The following SLCO3A1 variants were observed in gnomAD, a reference collection of about 807,000 sequenced individuals.
SLCO3A1 encodes the protein PGE1 transporter.
In SLCO3A1, 27 loss-of-function variants were observed where a neutral mutation model predicts 63.1. The ratio of observed to expected loss-of-function variants is 0.43; its 90% CI spans 0.32 to 0.59. The LOEUF (loss-of-function observed/expected upper bound fraction) is 0.59, where lower values mean the gene tolerates loss of function less well. Ranked by LOEUF, SLCO3A1 falls within the 20% of genes least tolerant of loss-of-function variation. SLCO3A1 has a pLI of 0.09. For synonymous variants in SLCO3A1, 473 were observed against 409.9 expected (o/e 1.15, Z -1.86); for missense variants, 773 against 945.8 (o/e 0.82, Z 2.40).
At chr15:92,111,531 T>G (rs2047729717) in intron 4 of SLCO3A1, among the ~76,000 whole-genome samples, 1 of 152,206 alleles carries the variant, frequency 6.6e-6, no homozygotes, top group African/African-American at 2.4e-5. Context: ...GGCTGTGATT[T>G]ACATTCTGCC....
rs563375111 is a variant in SLCO3A1, at chr15:92,121,681, T to C, written c.1174+1052T>C. On this transcript the variant is annotated intron_variant, in intron 5 of 9. Coordinates refer to ENST00000318445, the MANE Select transcript of SLCO3A1 (RefSeq NM_013272.4). ...AGTGGAATTTACGTAGGAAAAAATG[T>C]GTAGAGTTAAAAAAAGATAGGTGAA... 3.3e-5 allele frequency among the ~76,000 whole-genome samples: 5 copies of C among 152,016 alleles called. No individual in the cohort carries two copies. The South Asian group carries it at 1.0e-3, about 32-fold the overall frequency.
chr15:92,126,510 C>T (rs985984586), intron 6 of SLCO3A1, among the ~76,000 whole-genome samples: 5 of 152,046 alleles, frequency 3.3e-5, no homozygotes, highest in African/African-American at 9.7e-5. Context: ...AGACTCACAT[C>T]GCGATTTTTG....
intron 2 of SLCO3A1, among the ~76,000 whole-genome samples, chr15:92,036,832 G>A (rs2046733641): frequency 6.6e-6 from 1 of 152,146 alleles, no homozygotes; most frequent in African/African-American, 2.4e-5. Flanking sequence ...CAGACCATTA[G>A]AATGTGACCT....
At chr15:92,154,834 TGGGAGAA>T (rs1353631895) in intron 9 of SLCO3A1, among the ~76,000 whole-genome samples, 1 of 151,786 alleles carries the variant, frequency 6.6e-6, no homozygotes, top group East Asian at 1.9e-4. Flanking sequence ...AGGGCTGAGA[TGGGAGAA>T]AGGAGAGAGG....
chr15:91,956,614 A>G (rs573563649), intron 2 of SLCO3A1, among the ~76,000 whole-genome samples: 2 of 151,776 alleles, frequency 1.3e-5, no homozygotes, highest in East Asian at 3.9e-4. Context: ...TAGAGAAAGA[A>G]CCTTTCTGCC....
chr15:91,954,465 G>A lies in SLCO3A1; in HGVS notation c.646+38007G>A, dbSNP rs1449969897. Among the ~76,000 whole-genome samples, 1 of 152,190 alleles carries A rather than the reference G, an allele frequency of 6.6e-6. No individual in the cohort carries two copies. The highest frequency in any genetic ancestry group is 1.5e-5 in the Non-Finnish European group (1 of 68,046). ...CCAGGGGCCCAACATTCAATAAATT[G>A]TTGCAGAAGCAAATATTTACCTCAC... is the stretch of plus-strand genomic sequence containing the variant. On this transcript the variant is annotated intron_variant, in intron 2 of 9. Coordinates refer to ENST00000318445, the MANE Select transcript of SLCO3A1 (RefSeq NM_013272.4). This position sits in a 1 kb window ranked among gnomAD's most constrained non-coding sequence, Gnocchi z 4.7.
Position 92,128,330 on chromosome 15 carries a change from C to T in SLCO3A1, c.1374-21C>T, listed in dbSNP as rs79245108. The T allele has an allele frequency of 2.2e-5, 35 of 1,613,330 alleles. No individual in the cohort carries two copies. The East Asian group carries it at 3.6e-4, about 16-fold the overall frequency. Reference sequence around the variant, plus strand: ...GAATTGACCTGTTTCTAATGGCTTCCGTGTTTCCTTTCTTTTCCAGCACAG... The same window carrying T: ...GAATTGACCTGTTTCTAATGGCTTCTGTGTTTCCTTTCTTTTCCAGCACAG... On this transcript the variant is annotated intron_variant, in intron 6 of 9. Coordinates refer to ENST00000318445, the MANE Select transcript of SLCO3A1 (RefSeq NM_013272.4).
In SLCO3A1 at chr15:91,882,995, A is replaced by G. The variant is rs772507831; in HGVS notation, c.180+28907A>G. 6.6e-6 allele frequency among the ~76,000 whole-genome samples: 1 copy of G among 152,222 alleles called. No homozygotes were observed. The highest frequency in any genetic ancestry group is 1.5e-5 in the Non-Finnish European group (1 of 68,040). On this transcript the variant is annotated intron_variant, in intron 1 of 9. Transcript: ENST00000318445. The surrounding 1 kb of genome is among the most constrained non-coding windows in gnomAD (Gnocchi z 4.4). ...AATGCCCAGTGAGTAAGGGAATGAC[A>G]GATGGGACAGCAGCCACCATGCAAG...
At chr15:91,898,157 G>A (rs1006466730) in intron 1 of SLCO3A1, among the ~76,000 whole-genome samples, 3 of 152,142 alleles carry the variant, frequency 2.0e-5, no homozygotes, top group Admixed American at 6.6e-5. Context: ...TAAGAACAGA[G>A]CCGTGTGCCT....
At chr15:92,028,863 T>C (rs560275752) in intron 2 of SLCO3A1, among the ~76,000 whole-genome samples, 8 of 151,394 alleles carry the variant, frequency 5.3e-5, no homozygotes, top group Admixed American at 1.3e-4. Flanking sequence ...TTTGCTGGCG[T>C]ATCAGTTAGG....
chr15:92,130,164 T>G (rs2047975127), intron 7 of SLCO3A1, among the ~76,000 whole-genome samples: 1 of 152,176 alleles, frequency 6.6e-6, no homozygotes, highest in Non-Finnish European at 1.5e-5. Context: ...ACCAAAAAAA[T>G]TATCTTAAAA....
intron 2 of SLCO3A1, among the ~76,000 whole-genome samples, chr15:91,991,779 T>C (rs1030757295): frequency 2.0e-5 from 3 of 152,242 alleles, no homozygotes; most frequent in Admixed American, 6.5e-5. Flanking sequence ...ATATGACTAG[T>C]GGCTGCTGTC....
intron 2 of SLCO3A1, among the ~76,000 whole-genome samples, chr15:91,928,798 T>C (rs1247968310): frequency 6.6e-6 from 1 of 152,242 alleles, no homozygotes; most frequent in African/African-American, 2.4e-5. Context: ...TGAGTTGTTT[T>C]CAAAATCTCC....
chr15:91,919,255 T>C (rs1449663378), intron 2 of SLCO3A1, among the ~76,000 whole-genome samples: 1 of 152,262 alleles, frequency 6.6e-6, no homozygotes, highest in Non-Finnish European at 1.5e-5. Context: ...CTTACTTGCT[T>C]TGGCCTCTTG....
chr15:92,139,737 C>A (rs2048104848), intron 7 of SLCO3A1, among the ~76,000 whole-genome samples: 1 of 152,082 alleles, frequency 6.6e-6, no homozygotes, highest in African/African-American at 2.4e-5. Flanking sequence ...TTATCCATTT[C>A]TTCTAGATTT....
chr15:91,984,837 G>C (rs958236407), intron 2 of SLCO3A1, among the ~76,000 whole-genome samples: 41 of 152,116 alleles, frequency 2.7e-4, no homozygotes, highest in African/African-American at 2.4e-5. Flanking sequence ...CTTTATGGTA[G>C]GGCTGACAAA....
chr15:92,126,400 C>T (rs906021995), intron 6 of SLCO3A1, 141 bp downstream of exon 6: 35 of 665,726 alleles, frequency 5.3e-5, no homozygotes, highest in Middle Eastern at 8.2e-4. Context: ...TTACTGTCCA[C>T]GTTGGAGAAT....
intron 2 of SLCO3A1, among the ~76,000 whole-genome samples, chr15:91,957,108 A>ATAATATATAG (rs1555417710): frequency 0.052 from 289 of 5,512 alleles, 71 homozygotes; most frequent in African/African-American, 0.073. Flanking sequence ...TATAATATAT[A>ATAATATATAG]TATATATAAT....
intron 1 of SLCO3A1, among the ~76,000 whole-genome samples, chr15:91,868,600 G>A (rs1358341269): frequency 1.3e-5 from 2 of 152,050 alleles, no homozygotes; most frequent in Non-Finnish European, 2.9e-5. Flanking sequence ...TGGGCTTTGG[G>A]GTCTTTGAAG....
Sources: gnomAD v4.1 joint callset for allele counts (sites outside exome capture counted in the v4.1 genomes callset) on GRCh38, gnomAD v4.1.1 for gene constraint, Gnocchi (gnomAD v3.1) non-coding constraint, MANE v1.5 for transcripts, NCBI Gene and HGNC (gene_info 2026-07-23, HGNC 2026-07-21) for gene names.